CDC42BPA: variants seen among roughly 807,000 people sequenced by gnomAD.
CDC42BPA encodes serine/threonine-protein kinase MRCK alpha.
CDC42BPA carries 80 observed loss-of-function variants against 223.5 expected under a neutral mutation model. That is an observed-to-expected ratio of 0.36 (90% CI 0.30 to 0.43). The LOEUF (loss-of-function observed/expected upper bound fraction) is 0.43. Ranked by LOEUF, CDC42BPA falls within the 20% of genes least tolerant of loss-of-function variation. The pLI, the probability that CDC42BPA is intolerant of heterozygous loss-of-function variation, is 1.00. For missense variants in CDC42BPA, 1,743 were observed against 2,099.9 expected (o/e 0.83, Z 3.32); for synonymous variants, 694 against 718.6 (o/e 0.97, Z 0.55).
intron 11 of CDC42BPA, among the ~76,000 whole-genome samples, chr1:227,127,076 T>C (rs1022072389): frequency 2.0e-5 from 3 of 152,170 alleles, no homozygotes; most frequent in African/African-American, 4.8e-5. Context: ...AGCAACACTA[T>C]AGAATACAAA....
intron 11 of CDC42BPA, among the ~76,000 whole-genome samples, chr1:227,124,781 A>T (rs1221600543): frequency 2.0e-5 from 3 of 152,188 alleles, no homozygotes; most frequent in Non-Finnish European, 4.4e-5. Flanking sequence ...CACTGAAGAT[A>T]GGTATGTTGA....
intron 21 of CDC42BPA, among the ~76,000 whole-genome samples, chr1:227,062,977 T>A (rs186609796): frequency 6.6e-6 from 1 of 152,294 alleles, no homozygotes; most frequent in African/African-American, 2.4e-5. Flanking sequence ...GAAACTATCT[T>A]TGAAAATGAA....
chr1:227,086,930 C>G (rs1391816720), intron 16 of CDC42BPA, among the ~76,000 whole-genome samples: 23 of 152,136 alleles, frequency 1.5e-4, no homozygotes. Context: ...GCCTTAGACT[C>G]CCAAAGTGCT....
chr1:227,147,175 A>C (rs1013561777), intron 7 of CDC42BPA, among the ~76,000 whole-genome samples, 184 bp downstream of exon 7: 1 of 152,214 alleles, frequency 6.6e-6, no homozygotes, highest in African/African-American at 2.4e-5. Flanking sequence ...AATAAAATAC[A>C]AGAAAATTAG....
intron 2 of CDC42BPA, among the ~76,000 whole-genome samples, chr1:227,250,607 TA>T (rs1681811134): frequency 1.3e-5 from 2 of 152,122 alleles, no homozygotes. Flanking sequence ...TATGTGTGTA[TA>T]TTTTTTGAAA....
chr1:227,290,922 T>A (rs11799960), intron 1 of CDC42BPA, among the ~76,000 whole-genome samples: 2 of 151,986 alleles, frequency 1.3e-5, no homozygotes, highest in South Asian at 4.2e-4. Context: ...ACAAATAAAC[T>A]GTAGGCCACA....
At chr1:227,132,422 T>C (rs535878237) in intron 10 of CDC42BPA, among the ~76,000 whole-genome samples, 111 of 149,972 alleles carry the variant, frequency 7.4e-4, no homozygotes, top group African/African-American at 2.6e-3. Flanking sequence ...CGGAGTCTCG[T>C]TCACTCAGTG....
intron 2 of CDC42BPA, among the ~76,000 whole-genome samples, chr1:227,247,821 G>A (rs1681258201): frequency 6.6e-6 from 1 of 152,026 alleles, no homozygotes; most frequent in Non-Finnish European, 1.5e-5. Context: ...GATGGAGGCT[G>A]CAGTGAGCCG....
intron 5 of CDC42BPA, among the ~76,000 whole-genome samples, chr1:227,176,640 C>T (rs1448667413): frequency 1.3e-5 from 2 of 152,010 alleles, no homozygotes; most frequent in African/African-American, 4.8e-5. Context: ...AATACCAGTC[C>T]TTATACTGAT....
chr1:227,081,142 C>T lies in CDC42BPA; in HGVS notation c.2356-125G>A. 4 of 850,728 alleles carry T rather than the reference C, an allele frequency of 4.7e-6. No individual in the cohort carries two copies. In the South Asian group the frequency reaches 5.1e-5, roughly 11 times the overall value. 52.7% of individuals were successfully genotyped at this position (850,728 alleles called of 1,614,324 possible). Reference sequence around the variant, plus strand: ...AAAATGCCTGTCTTATTATAATAATCCCTTTTGCTCACTGAATTTGGATAT... The same window carrying T: ...AAAATGCCTGTCTTATTATAATAATTCCTTTTGCTCACTGAATTTGGATAT... On this transcript the variant is annotated intron_variant, in intron 16 of 36. Transcript: ENST00000366766.
intron 1 of CDC42BPA, among the ~76,000 whole-genome samples, chr1:227,277,789 G>A (rs540914800): frequency 4.6e-5 from 7 of 152,182 alleles, no homozygotes; most frequent in African/African-American, 7.2e-5. Flanking sequence ...TCACTCTGTC[G>A]CCCAGGCTGG....
chr1:227,021,745 C>A (rs368593991), intron 32 of CDC42BPA, among the ~76,000 whole-genome samples: 2 of 152,052 alleles, frequency 1.3e-5, no homozygotes, highest in South Asian at 4.2e-4. Context: ...CATGGCCAGG[C>A]GCGGTGGCTC....
chr1:227,030,303 G>A, intron 29 of CDC42BPA, 105 bp downstream of exon 29: 1 of 693,042 alleles, frequency 1.4e-6, no homozygotes, highest in East Asian at 2.8e-5. Context: ...TTTAGTCGCA[G>A]GATAAATAAG....
intron 24 of CDC42BPA, among the ~76,000 whole-genome samples, chr1:227,037,282 T>TCC (rs1366937379): frequency 2.0e-5 from 3 of 152,200 alleles, no homozygotes; most frequent in Non-Finnish European, 2.9e-5. Context: ...TTAACTTGGC[T>TCC]ATCTTTTCCT....
rs763763074 is a variant in CDC42BPA at position 227,035,521 on chromosome 1, C to T, written c.3286G>A (p.Gly1096Ser). The stretch of plus-strand genomic sequence containing the variant: ...CCTATTCCTTTCTGAGGATCTATAC[C>T]CAGGGGACCTTTTGTCTGTTCAGGA... ...VPPEQTKGPL[G>S]IDPQKGIGTA... Residue 1096 changes from glycine to serine, a missense_variant, in exon 25 of 37, where the codon GGT becomes AGT. This residue lies in a region of CDC42BPA where 678 missense variants were observed against 777.5 expected (regional missense o/e 0.87). Transcript: ENST00000366766. 12 of 1,611,190 alleles carry T rather than the reference C, an allele frequency of 7.4e-6. No homozygotes were observed. Among genetic ancestry groups the T allele is most frequent in the Non-Finnish European group, 1.0e-5 (12 of 1,179,006 alleles).
intron 23 of CDC42BPA, among the ~76,000 whole-genome samples, chr1:227,046,185 A>C (rs1403072479): frequency 1.3e-5 from 2 of 150,664 alleles, no homozygotes; most frequent in Admixed American, 6.6e-5. Flanking sequence ...TCAGTAAAAA[A>C]GCTAAAGAGA....
chr1:227,293,284 C>A (rs996663881), intron 1 of CDC42BPA, among the ~76,000 whole-genome samples: 1 of 152,006 alleles, frequency 6.6e-6, no homozygotes, highest in African/African-American at 2.4e-5. Flanking sequence ...GTGATAAATG[C>A]CAGAAAATAG....
At chr1:227,109,776 T>C (rs962144194) in intron 14 of CDC42BPA, among the ~76,000 whole-genome samples, 2 of 151,570 alleles carry the variant, frequency 1.3e-5, no homozygotes, top group Non-Finnish European at 2.9e-5. Flanking sequence ...CACACATTAA[T>C]ATAGGGTTTA....
chr1:227,198,022 T>C (rs1671033858), intron 4 of CDC42BPA, among the ~76,000 whole-genome samples: 1 of 152,190 alleles, frequency 6.6e-6, no homozygotes, highest in Admixed American at 6.5e-5. Context: ...CAATTCTCAC[T>C]ATAACCCACA....
Sources: allele counts gnomAD v4.1 joint callset (sites outside exome capture counted in the v4.1 genomes callset), GRCh38; gene constraint gnomAD v4.1.1; regional missense constraint gnomAD v4.1.1; transcripts MANE v1.5; gene names NCBI Gene and HGNC (gene_info 2026-07-23, HGNC 2026-07-21).